Variants in PKD1L1 observed in about 807,000 individuals in gnomAD.
PKD1L1 encodes polycystin-1-like protein 1.
Under a neutral mutation model 323.4 loss-of-function variants are expected in PKD1L1, and 236 were observed. The ratio of observed to expected loss-of-function variants is 0.73; its 90% CI spans 0.66 to 0.81. PKD1L1 has a LOEUF of 0.81. Among genes scored for constraint, PKD1L1 ranks in the 40% least tolerant of loss-of-function variants. PKD1L1 has a pLI of 0.00. For synonymous variants in PKD1L1, 1,344 were observed against 1,335.0 expected (o/e 1.01, Z -0.15); for missense variants, 3,320 against 3,508.0 (o/e 0.95, Z 1.35).
At chr7:47,850,027 T>C (rs1448458582) in intron 31 of PKD1L1, among the ~76,000 whole-genome samples, 5 of 151,964 alleles carry the variant, frequency 3.3e-5, no homozygotes, top group African/African-American at 1.2e-4. Flanking sequence ...GGGGTAAGGA[T>C]GAGGGGGTGA....
At chr7:47,873,371 G>A (rs1786324960) in intron 24 of PKD1L1, among the ~76,000 whole-genome samples, 1 of 152,136 alleles carries the variant, frequency 6.6e-6, no homozygotes, top group African/African-American at 2.4e-5. Context: ...AAGTGAGGCT[G>A]GGCGCGGTGG....
At chr7:47,866,665 T>G (rs772830648) in intron 24 of PKD1L1, 51 bp from the exon 25 acceptor site, 13 of 1,470,330 alleles carry the variant, frequency 8.8e-6, no homozygotes, top group South Asian at 6.6e-5. Flanking sequence ...CGGCAAAACT[T>G]TTCACCCTGA....
At chr7:47,800,616 C>G in intron 54 of PKD1L1, 33 bp downstream of exon 54, 3 of 1,601,550 alleles carry the variant, frequency 1.9e-6, no homozygotes, top group Non-Finnish European at 2.6e-6. Context: ...TTTTACAAAC[C>G]ATAACTTGAA....
At chr7:47,925,183 AATATC>A (rs920629358) in intron 7 of PKD1L1, among the ~76,000 whole-genome samples, 2 of 152,136 alleles carry the variant, frequency 1.3e-5, no homozygotes, top group East Asian at 3.9e-4. Context: ...CAAAAAATAA[AATATC>A]ATACAAGAAA....
At chr7:47,928,330 A>C (rs1022556221) in intron 7 of PKD1L1, among the ~76,000 whole-genome samples, 5 of 152,218 alleles carry the variant, frequency 3.3e-5, no homozygotes, top group Non-Finnish European at 7.3e-5. Flanking sequence ...GCACTTTGGG[A>C]GGCCCAGGCA....
chr7:47,802,853 C>T (rs1248377423), intron 53 of PKD1L1, among the ~76,000 whole-genome samples: 1 of 152,198 alleles, frequency 6.6e-6, no homozygotes, highest in Non-Finnish European at 1.5e-5. Flanking sequence ...CTGTCCATAG[C>T]TTGGTTGTGA....
Position 47,885,764 on chromosome 7 carries a change from G to T in PKD1L1, c.3127C>A (p.Pro1043Thr), listed in dbSNP as rs1252600357. Residue 1043 changes from proline (P) to threonine (T), a missense_variant, in exon 18 of 57, where the codon CCA (proline) becomes ACA (threonine). Coordinates refer to ENST00000289672, the MANE Select transcript of PKD1L1 (RefSeq NM_138295.5). Reference protein sequence around the residue: ...EEGSLDLEPGPQSKGSLMTGR... With the variant: ...EEGSLDLEPGTQSKGSLMTGR... ...GTCATCAGGGATCCCTTGCTCTGTG[G>T]CCCTGGCTCTAGGTCTAGTGAACCT... 1 of 1,614,190 alleles carries T rather than the reference G, an allele frequency of 6.2e-7. No homozygotes were observed. Among genetic ancestry groups the T allele is most frequent in the Non-Finnish European group, 8.5e-7 (1 of 1,180,030 alleles).
At position 47,885,730 on chromosome 7, in the gene PKD1L1, G is replaced by T. The variant is rs779879702; in HGVS notation, c.3161C>A (p.Ser1054Tyr). ...QSKGSLMTGR[S>Y]ERSQPTHSPD... is the part of the protein sequence containing the mutation. ...GCTGTGGGTGGGCTGACTTCTCTCA[G>T]AGCGGCCAGTCATCAGGGATCCCTT... Residue 1054 changes from serine (S) to tyrosine (Y), a missense_variant, in exon 18 of 57, where the codon TCT (serine) becomes TAT (tyrosine). Coordinates refer to ENST00000289672, the MANE Select transcript of PKD1L1 (RefSeq NM_138295.5). 6 of 1,613,994 alleles carry T rather than the reference G, an allele frequency of 3.7e-6. No homozygotes were observed. The highest frequency in any genetic ancestry group is 5.1e-6 in the Non-Finnish European group (6 of 1,180,002).
At chr7:47,787,269 G>A (rs994871772) in intron 56 of PKD1L1, among the ~76,000 whole-genome samples, 1 of 152,124 alleles carries the variant, frequency 6.6e-6, no homozygotes, top group Non-Finnish European at 1.5e-5. Flanking sequence ...AACCCACCTG[G>A]GAGCCAGGTG....
chr7:47,884,897 G>A (rs989394347), intron 18 of PKD1L1, among the ~76,000 whole-genome samples: 5 of 152,156 alleles, frequency 3.3e-5, no homozygotes, highest in Non-Finnish European at 5.9e-5. Context: ...TAGGTGTGTG[G>A]TTTCTAAGAA....
rs1785475700 is a variant in PKD1L1 at position 47,837,094 on chromosome 7, G to A, written c.5770C>T (p.Leu1924Phe). The change falls in exon 37 of 57, where the codon CTT becomes TTT. Residue 1924 changes from leucine (L) to phenylalanine (F), a missense_variant and splice_region_variant. By Grantham distance (22) the Leu-to-Phe change is conservative. Transcript: ENST00000289672. ...CLQGGLGFRK[L>F]FYCKFTEYLE... is the part of the protein sequence containing the mutation. Reference sequence around the variant, plus strand: ...TACTCTGTGAACTTGCAATAGAAAAGCTGAAACGGAAAGCAGGAGAAGTGT... The same window carrying A: ...TACTCTGTGAACTTGCAATAGAAAAACTGAAACGGAAAGCAGGAGAAGTGT... 1 of 1,613,804 alleles carries A rather than the reference G, an allele frequency of 6.2e-7. No individual in the cohort carries two copies. Among genetic ancestry groups the A allele is most frequent in the South Asian group, 1.1e-5 (1 of 91,068 alleles).
intron 34 of PKD1L1, among the ~76,000 whole-genome samples, chr7:47,841,048 C>T (rs77573312): frequency 0.018 from 2,663 of 151,806 alleles, 75 homozygotes; most frequent in African/African-American, 0.061. Context: ...CAGAAATGAA[C>T]AATTCTGATG....
chr7:47,942,970 C>A (rs963084320), intron 2 of PKD1L1, among the ~76,000 whole-genome samples: 1 of 151,862 alleles, frequency 6.6e-6, no homozygotes, highest in African/African-American at 2.4e-5. Context: ...CACGGTGAAA[C>A]CCTGTCTCTA....
upstream of PKD1L1, among the ~76,000 whole-genome samples, chr7:47,949,368 C>CAAAAAAAAAAAAAAAAAAA (rs58131581): frequency 1.2e-4 from 7 of 57,140 alleles, 1 homozygote; most frequent in African/African-American, 4.7e-4. Context: ...GGCTCTGTCT[C>CAAAAAAAAAAAAAAAAAAA]AAAAAAAAAA....
intron 3 of PKD1L1, among the ~76,000 whole-genome samples, 187 bp from the exon 4 acceptor site, chr7:47,937,145 T>G (rs1265946331): frequency 6.6e-6 from 1 of 151,898 alleles, no homozygotes; most frequent in Admixed American, 6.6e-5. Flanking sequence ...GCTCCTGTTC[T>G]GCCAGAGGAA....
chr7:47,787,187 A>G (rs984243806), intron 56 of PKD1L1, among the ~76,000 whole-genome samples: 6 of 152,168 alleles, frequency 3.9e-5, no homozygotes, highest in African/African-American at 9.7e-5. Flanking sequence ...TCCAAGACCA[A>G]TGACATTCCT....
chr7:47,867,786 G>T (rs1434674300), intron 24 of PKD1L1, among the ~76,000 whole-genome samples: 2 of 152,010 alleles, frequency 1.3e-5, no homozygotes, highest in South Asian at 2.1e-4. Flanking sequence ...GTTACAGAGA[G>T]AACCAAATGG....
intron 55 of PKD1L1, among the ~76,000 whole-genome samples, chr7:47,794,037 G>A (rs1185335090): frequency 1.3e-5 from 2 of 152,124 alleles, no homozygotes; most frequent in Non-Finnish European, 2.9e-5. Context: ...AAGGTGACTT[G>A]GGTGCTGTTA....
chr7:47,923,744 A>G (rs1008343477), intron 7 of PKD1L1, among the ~76,000 whole-genome samples: 4 of 152,100 alleles, frequency 2.6e-5, no homozygotes, highest in Admixed American at 2.0e-4. Flanking sequence ...CATGAATACT[A>G]TGTTAGAAAA....
Sources: gnomAD v4.1 joint callset for allele counts (sites outside exome capture counted in the v4.1 genomes callset) on GRCh38, gnomAD v4.1.1 for gene constraint, MANE v1.5 for transcripts, NCBI Gene and HGNC (gene_info 2026-07-23, HGNC 2026-07-21) for gene names.